EXOC3L2: variants seen among roughly 807,000 people sequenced by gnomAD.
EXOC3L2 encodes the protein exocyst complex component 3 like 2.
In EXOC3L2, 17 loss-of-function variants were observed where a neutral mutation model predicts 44.4. The ratio of observed to expected loss-of-function variants is 0.38; its 90% CI spans 0.26 to 0.57. The LOEUF is 0.57. Ranked by LOEUF, EXOC3L2 falls within the 20% of genes least tolerant of loss-of-function variation. The pLI is 0.65. For synonymous variants in EXOC3L2, 256 were observed against 253.7 expected, an observed-to-expected ratio of 1.01 and a Z score of -0.09; for missense variants, 541 against 588.4, an observed-to-expected ratio of 0.92 and a Z score of 0.83.
At chr19:45,237,730 G>C (rs767835240) in intron 2 of EXOC3L2, among the ~76,000 whole-genome samples, 1 of 152,090 alleles carries the variant, frequency 6.6e-6, no homozygotes. Context: ...GATATGTGAA[G>C]TCTTCACCCC....
At chr19:45,240,261 T>C (rs1393880594) in intron 1 of EXOC3L2, among the ~76,000 whole-genome samples, 1 of 151,760 alleles carries the variant, frequency 6.6e-6, no homozygotes, top group Non-Finnish European at 1.5e-5. Flanking sequence ...TGTACCACCA[T>C]GCCCACTTAA....
At chr19:45,230,065 C>G (rs1050910064) in intron 4 of EXOC3L2, among the ~76,000 whole-genome samples, 3 of 151,830 alleles carry the variant, frequency 2.0e-5, no homozygotes, top group African/African-American at 7.3e-5. Flanking sequence ...TGCTCTGTCC[C>G]CCAGGCTGGT....
intron 4 of EXOC3L2, among the ~76,000 whole-genome samples, chr19:45,229,900 ATAT>A (rs1970012059): frequency 6.7e-6 from 1 of 148,730 alleles, no homozygotes; most frequent in African/African-American, 2.5e-5. Flanking sequence ...ATATTATTGT[ATAT>A]TATTTATAAT....
Position 45,238,363 on chromosome 19 carries a change from G to A in EXOC3L2, c.523+160C>T, listed in dbSNP as rs1970101618. ...ACTGCAGTGGTAATGGGTTGGAGCT[G>A]GCATGGAGGTGGGAGATGTGAGTTA... On this transcript the variant is annotated intron_variant, in intron 2 of 11. Coordinates refer to ENST00000413988, the MANE Select transcript of EXOC3L2 (RefSeq NM_001382422.1). This position sits in a 1 kb window ranked among gnomAD's most constrained non-coding sequence, Gnocchi z 5.5. Among the ~76,000 whole-genome samples, 1 of 152,136 alleles carries A rather than the reference G, an allele frequency of 6.6e-6. No homozygotes were observed. The highest frequency in any genetic ancestry group is 1.5e-5 in the Non-Finnish European group (1 of 68,022).
At position 45,224,932 on chromosome 19, in the gene EXOC3L2, C is replaced by A; in HGVS notation, c.1584-19G>T. ...CAGAGCTCTGTGGGGATCAACAGAG[C>A]CAAAACTGAGGGACCCCAACATCTC... On this transcript the variant is annotated intron_variant, in intron 7 of 11. Transcript: ENST00000413988. The A allele has an allele frequency of 6.7e-7, 1 of 1,496,694 alleles. No homozygotes were observed. Among genetic ancestry groups the A allele is most frequent in the South Asian group, 1.3e-5 (1 of 74,422 alleles). The allele number at this position is 1,496,694 out of a possible 1,614,324, so 92.7% of individuals were successfully genotyped here.
At chr19:45,236,610 G>A in intron 2 of EXOC3L2, among the ~76,000 whole-genome samples, 1 of 151,968 alleles carries the variant, frequency 6.6e-6, no homozygotes, top group East Asian at 1.9e-4. Flanking sequence ...GGATAGGGGT[G>A]AAGATAGATT....
At chr19:45,226,446 C>A (rs916197285) in intron 7 of EXOC3L2, among the ~76,000 whole-genome samples, 2 of 151,508 alleles carry the variant, frequency 1.3e-5, no homozygotes, top group Non-Finnish European at 2.9e-5. Context: ...CTTTTATTTT[C>A]TTTTTTTTGA....
chr19:45,232,019 G>A (rs1970037158), intron 3 of EXOC3L2, 145 bp from the exon 4 acceptor site: 1 of 462,384 alleles, frequency 2.2e-6, no homozygotes, highest in Non-Finnish European at 3.8e-6. Context: ...ATCCCTCAGA[G>A]GAAGTCTTTG....
At chr19:45,239,601 A>G (rs1257497499) in intron 1 of EXOC3L2, among the ~76,000 whole-genome samples, 1 of 146,470 alleles carries the variant, frequency 6.8e-6, no homozygotes, top group African/African-American at 2.5e-5. Flanking sequence ...GCTCACTGCA[A>G]CCTCCGCCTC....
Position 45,212,953 on chromosome 19 carries a change from G to A in EXOC3L2, c.*116C>T, listed in dbSNP as rs1969791237. On this transcript the variant is annotated 3_prime_UTR_variant, in exon 12 of 12. Transcript: ENST00000413988. Reference sequence around the variant, plus strand: ...GGGTTGGGTGAAAAGACATCTAAGGGTCTTTCTATCCCAGGGGTGTGTGGT... The same window carrying A: ...GGGTTGGGTGAAAAGACATCTAAGGATCTTTCTATCCCAGGGGTGTGTGGT... The A allele has an allele frequency of 1.3e-5, 16 of 1,204,104 alleles. No homozygotes were observed. Among genetic ancestry groups the A allele is most frequent in the Non-Finnish European group, 1.6e-5 (15 of 911,284 alleles). The allele number at this position is 1,204,104 out of a possible 1,614,324, so 74.6% of individuals were successfully genotyped here.
chr19:45,230,909 A>G (rs1440476249), intron 4 of EXOC3L2, among the ~76,000 whole-genome samples: 1 of 149,350 alleles, frequency 6.7e-6, no homozygotes, highest in Non-Finnish European at 1.5e-5. Context: ...AAATGGCAAG[A>G]CCCTGTCTCT....
chr19:45,221,063 C>T (rs957240696), intron 8 of EXOC3L2, among the ~76,000 whole-genome samples: 3 of 151,820 alleles, frequency 2.0e-5, no homozygotes, highest in Non-Finnish European at 4.4e-5. Context: ...GGAGAGGCTG[C>T]AGTCTGGGTA....
intron 10 of EXOC3L2, 78 bp downstream of exon 10, chr19:45,217,450 C>A: frequency 1.4e-6 from 2 of 1,430,280 alleles, no homozygotes; most frequent in Non-Finnish European, 9.1e-7. Flanking sequence ...CTCCCCCTGG[C>A]TTTTGGGACC....
chr19:45,216,044 C>CT, intron 11 of EXOC3L2, 29 bp downstream of exon 11: 1 of 1,610,310 alleles, frequency 6.2e-7, no homozygotes, highest in Non-Finnish European at 8.5e-7. Flanking sequence ...CCAGGCACGG[C>CT]GAGCCCTGGC....
In EXOC3L2 at chr19:45,239,319, G is replaced by A. The variant is rs531231375; in HGVS notation, c.-16-258C>T. ...TGCAAGCTCCGCCTCCCGGGTTCAC[G>A]CGATTCTCCTGCCTCAGCCTCCTGA... On this transcript the variant is annotated intron_variant, in intron 1 of 11. Coordinates refer to ENST00000413988, the MANE Select transcript of EXOC3L2 (RefSeq NM_001382422.1). Among the ~76,000 whole-genome samples, 4 of 147,680 alleles carry A rather than the reference G, an allele frequency of 2.7e-5. No individual in the cohort carries two copies. In the South Asian group the frequency reaches 6.5e-4, roughly 24 times the overall value.
At chr19:45,231,457 C>CAAAA (rs34610401) in intron 4 of EXOC3L2, among the ~76,000 whole-genome samples, 21 of 61,160 alleles carry the variant, frequency 3.4e-4, no homozygotes, top group African/African-American at 3.8e-4. Context: ...GACCCTGCCT[C>CAAAA]AAAAAAAAAA....
intron 2 of EXOC3L2, among the ~76,000 whole-genome samples, chr19:45,236,295 G>A (rs1599768190): frequency 1.3e-5 from 2 of 151,700 alleles, no homozygotes; most frequent in Admixed American, 6.6e-5. Context: ...GTGAAACCTG[G>A]TCTCTACTAA....
intron 8 of EXOC3L2, 111 bp downstream of exon 8, chr19:45,224,665 CCT>C (rs937957838): frequency 3.1e-5 from 43 of 1,407,332 alleles, no homozygotes; most frequent in South Asian, 2.1e-4. Context: ...GCCCCCCGCC[CCT>C]GTCTGCTTCC....
chr19:45,220,289 C>A (rs1237402500), intron 8 of EXOC3L2, among the ~76,000 whole-genome samples: 1 of 151,862 alleles, frequency 6.6e-6, no homozygotes, highest in Admixed American at 6.6e-5. Flanking sequence ...CATAGTAAGA[C>A]TCCCTCTCTA....
Sources: allele counts gnomAD v4.1 joint callset (sites outside exome capture counted in the v4.1 genomes callset), GRCh38; gene constraint gnomAD v4.1.1; non-coding constraint Gnocchi (gnomAD v3.1); transcripts MANE v1.5; gene names NCBI Gene and HGNC (gene_info 2026-07-23, HGNC 2026-07-21).